The following CNTNAP2 variants were observed in gnomAD, a reference collection of about 807,000 sequenced individuals.
CNTNAP2 encodes contactin associated protein 2, also known as contactin-associated protein-like 2.
CNTNAP2 carries 98 observed loss-of-function variants against 155.2 expected under a neutral mutation model. The ratio of observed to expected loss-of-function variants is 0.63; its 90% confidence interval spans 0.54 to 0.75. The LOEUF is 0.75. Among genes scored for constraint, CNTNAP2 ranks in the 30% least tolerant of loss-of-function variants. CNTNAP2 has a pLI of 0.00. For synonymous variants in CNTNAP2, 651 were observed against 631.2 expected (o/e 1.03, Z -0.47); for missense variants, 1,727 against 1,688.1 (o/e 1.02, Z -0.40).
chr7:146,138,369 G>A (rs1209875349), intron 1 of CNTNAP2, among the ~76,000 whole-genome samples: 4 of 152,054 alleles, frequency 2.6e-5, no homozygotes, highest in Admixed American at 6.6e-5. Context: ...AATTACTTGA[G>A]TGTTGGTATT....
At chr7:146,389,106 A>C (rs543640937) in intron 1 of CNTNAP2, among the ~76,000 whole-genome samples, 3 of 152,318 alleles carry the variant, frequency 2.0e-5, no homozygotes, top group South Asian at 2.1e-4. Context: ...GTGAAATAAC[A>C]GTGTCTTTGT....
chr7:146,831,666 C>T (rs558661825), intron 2 of CNTNAP2, among the ~76,000 whole-genome samples: 3 of 94,794 alleles, frequency 3.2e-5, no homozygotes, highest in South Asian at 3.1e-4. Context: ...CAGAGCAAGA[C>T]GCCAAAAAAA....
At chr7:147,728,839 C>G (rs900579584) in intron 13 of CNTNAP2, among the ~76,000 whole-genome samples, 15 of 151,696 alleles carry the variant, frequency 9.9e-5, no homozygotes, top group Admixed American at 3.3e-4. Flanking sequence ...ATGAATTGTC[C>G]TATCCTAATC....
chr7:147,761,099 A>G lies in CNTNAP2; in HGVS notation c.2098+121793A>G, dbSNP rs145906499. On this transcript the variant is annotated intron_variant, in intron 13 of 23. Coordinates refer to ENST00000361727, the MANE Select transcript of CNTNAP2 (RefSeq NM_014141.6). ...AATGAAATTAATCATCCAGTACCAGAGAAAATCAATAAACTTCAAGCTGCT... is the reference window on the plus strand; with the variant it reads ...AATGAAATTAATCATCCAGTACCAGGGAAAATCAATAAACTTCAAGCTGCT... Among the ~76,000 whole-genome samples, 328 of 152,332 alleles carry G rather than the reference A, an allele frequency of 2.2e-3. 3 individuals are homozygous for G. Among genetic ancestry groups the G allele is most frequent in the African/African-American group, 7.5e-3 (310 of 41,594 alleles).
chr7:146,874,119 G>A (rs1156987760), intron 3 of CNTNAP2, among the ~76,000 whole-genome samples: 1 of 151,968 alleles, frequency 6.6e-6, no homozygotes, highest in Non-Finnish European at 1.5e-5. Flanking sequence ...GTGAACTCAG[G>A]AAGAAGGAAA....
chr7:146,482,024 A>T (rs1796966851), intron 1 of CNTNAP2, among the ~76,000 whole-genome samples: 1 of 152,150 alleles, frequency 6.6e-6, no homozygotes, highest in South Asian at 2.1e-4. Context: ...AGCTCAACTT[A>T]CTAGGAGTAA....
intron 1 of CNTNAP2, among the ~76,000 whole-genome samples, chr7:146,701,603 A>G (rs930696887): frequency 6.6e-6 from 1 of 152,172 alleles, no homozygotes; most frequent in African/African-American, 2.4e-5. Flanking sequence ...AATAATTTCA[A>G]TCCTACAGGC....
intron 1 of CNTNAP2, among the ~76,000 whole-genome samples, chr7:146,601,530 A>C (rs1256405625): frequency 6.6e-6 from 1 of 152,114 alleles, no homozygotes; most frequent in African/African-American, 2.4e-5. Context: ...AAATATGTCA[A>C]TTCTTCCTAT....
At chr7:147,018,522 A>AT (rs1798765614) in intron 3 of CNTNAP2, among the ~76,000 whole-genome samples, 2 of 152,118 alleles carry the variant, frequency 1.3e-5, no homozygotes, top group Admixed American at 1.3e-4. Context: ...GAAAGAATGA[A>AT]TAGGTGAAAA....
At chr7:148,383,060 GGGAAAGT>G (rs1413567553) in intron 21 of CNTNAP2, among the ~76,000 whole-genome samples, 1 of 152,168 alleles carries the variant, frequency 6.6e-6, no homozygotes, top group Non-Finnish European at 1.5e-5. Context: ...TGATTGGGTT[GGGAAAGT>G]TTCCTGACTG....
At chr7:146,344,804 C>T (rs1042713880) in intron 1 of CNTNAP2, among the ~76,000 whole-genome samples, 2 of 152,286 alleles carry the variant, frequency 1.3e-5, no homozygotes, top group Admixed American at 1.3e-4. Context: ...ATATTATCTT[C>T]AGCCTGGCAG....
chr7:148,018,747 T>C (rs1477942105), intron 15 of CNTNAP2, among the ~76,000 whole-genome samples: 2 of 152,234 alleles, frequency 1.3e-5, no homozygotes, highest in East Asian at 1.9e-4. Flanking sequence ...AGGAGTCCCA[T>C]GCTCTCATTT....
chr7:146,793,446 G>C (rs1032277419), intron 2 of CNTNAP2, among the ~76,000 whole-genome samples: 13 of 152,234 alleles, frequency 8.5e-5, no homozygotes, highest in Non-Finnish European at 1.9e-4. Context: ...GGGATGTGCA[G>C]GGTGTAATCA....
intron 12 of CNTNAP2, among the ~76,000 whole-genome samples, chr7:147,588,205 A>T (rs1253997153): frequency 7.5e-6 from 1 of 134,172 alleles, no homozygotes; most frequent in Non-Finnish European, 1.6e-5. Context: ...AGAGAGAGAG[A>T]AAAAACAAAA....
rs1277923465 is a variant in CNTNAP2 at position 148,409,407 on chromosome 7, A to G, written c.3732A>G (p.Pro1244=). The change falls in exon 23 of 24, where the codon CCA becomes CCG. Residue 1244 remains proline, a synonymous_variant. Coordinates refer to ENST00000361727, the MANE Select transcript of CNTNAP2 (RefSeq NM_014141.6). ...TCTCTACAGCCAGTGCGGATTTTCC[A>G]TATAATCCAGGACAAGGCCAAGCTA... is the stretch of plus-strand genomic sequence containing the variant. ...DHLDSASADF[P]YNPGQGQAIR... The G allele has an allele frequency of 5.0e-6, 8 of 1,613,266 alleles. No individual in the cohort carries two copies. The highest frequency in any genetic ancestry group is 1.7e-5 in the Admixed American group (1 of 59,996).
intron 3 of CNTNAP2, among the ~76,000 whole-genome samples, chr7:146,930,730 G>C (rs544426486): frequency 6.6e-6 from 1 of 152,072 alleles, no homozygotes; most frequent in Non-Finnish European, 1.5e-5. Context: ...AAAATAAAAG[G>C]ATGGAGGAAG....
intron 3 of CNTNAP2, among the ~76,000 whole-genome samples, chr7:147,012,468 T>G (rs953695843): frequency 6.6e-6 from 1 of 152,052 alleles, no homozygotes; most frequent in African/African-American, 2.4e-5. Flanking sequence ...AGAAAGTAAT[T>G]AGGAAGATGA....
intron 21 of CNTNAP2, among the ~76,000 whole-genome samples, chr7:148,375,526 AT>A (rs1798967581): frequency 6.7e-6 from 1 of 149,896 alleles, no homozygotes. Flanking sequence ...CGCCCAGCTA[AT>A]TTTTTGTATC....
chr7:148,064,920 G>A (rs532723386), intron 15 of CNTNAP2, among the ~76,000 whole-genome samples: 1 of 152,202 alleles, frequency 6.6e-6, no homozygotes, highest in South Asian at 2.1e-4. Flanking sequence ...TTTGATGTAA[G>A]CATTTAATGC....
Sources: allele counts gnomAD v4.1 joint callset (sites outside exome capture counted in the v4.1 genomes callset), GRCh38; gene constraint gnomAD v4.1.1; transcripts MANE v1.5; gene names NCBI Gene and HGNC (gene_info 2026-07-23, HGNC 2026-07-21).